The following TMEM171 variants were observed in gnomAD, a reference collection of about 807,000 sequenced individuals.
TMEM171 encodes proline-rich protein PRP2.
A neutral mutation model predicts 19.1 loss-of-function variants in TMEM171; 16 were observed. The observed-to-expected ratio is 0.84, with a 90% CI of 0.57 to 1.27. The LOEUF is 1.27. TMEM171 is among the 50% of genes most tolerant of loss of function. The probability of loss-of-function intolerance (pLI) is 0.00; values close to 1 mark genes in which losing one functional copy is unlikely to be tolerated. For missense variants in TMEM171, 429 were observed against 412.7 expected (o/e 1.04, Z -0.34); for synonymous variants, 153 against 163.4 (o/e 0.94, Z 0.48).
rs1554078607 is a variant in TMEM171, at chr5:73,127,384, A to ATATAT, written c.641-1006_641-1005insTATAT. 3.5e-3 allele frequency among the ~76,000 whole-genome samples: 285 copies of ATATAT among 81,658 alleles called. 3 individuals carry two copies. The highest frequency in any genetic ancestry group is 0.017 in the East Asian group (49 of 2,902). 53.6% of individuals were successfully genotyped at this position (81,658 alleles called of 152,430 possible). A position where few individuals can be genotyped will look rare whatever the true frequency, so the allele number is the denominator to read the frequency against. On this transcript the variant is annotated intron_variant, in intron 2 of 3. Coordinates refer to ENST00000454765, the MANE Select transcript of TMEM171 (RefSeq NM_173490.8). ...AAATTTGTGGTAAAAAAAAAAAAAA[A>ATATAT]ATATATATATATATATATATATAAA...
At chr5:73,126,014 C>A (rs978130115) in intron 2 of TMEM171, among the ~76,000 whole-genome samples, 2 of 152,158 alleles carry the variant, frequency 1.3e-5, no homozygotes, top group African/African-American at 4.8e-5. Context: ...TGTCTGCTCA[C>A]AGAGGACATC....
In TMEM171 at chr5:73,122,188, T is replaced by A. The variant is rs1313259447; in HGVS notation, c.-68-1118T>A. Reference sequence around the variant, plus strand: ...TTTTGTGCTTTATAACTAGCAGTTTTATTGGCTGCTTGTTTTTTAACTGAG... The same window carrying A: ...TTTTGTGCTTTATAACTAGCAGTTTAATTGGCTGCTTGTTTTTTAACTGAG... On this transcript the variant is annotated intron_variant, in intron 1 of 3. Transcript: ENST00000454765. Among the ~76,000 whole-genome samples the A allele has an allele frequency of 3.3e-5, 5 of 152,314 alleles. No individual in the cohort carries two copies. The East Asian group carries it at 9.7e-4, about 29-fold the overall frequency.
rs761332689 is a variant in TMEM171 at position 73,123,665 on chromosome 5, G to T, written c.292G>T (p.Asp98Tyr). Residue 98 changes from aspartate (D) to tyrosine (Y), a missense_variant, in exon 2 of 4, where the codon GAC (aspartate) becomes TAC (tyrosine). By Grantham distance (160) the Asp-to-Tyr change is radical. Coordinates refer to ENST00000454765, the MANE Select transcript of TMEM171 (RefSeq NM_173490.8). ...GCAGAGAGGTCAGCAGATGGACCCCGACCGAGCCTTCATCTGTGGAGAGAG... is the reference window on the plus strand; with the variant it reads ...GCAGAGAGGTCAGCAGATGGACCCCTACCGAGCCTTCATCTGTGGAGAGAG... ...GLQRGQQMDPDRAFICGESRQ... is the reference protein window; with the variant it reads ...GLQRGQQMDPYRAFICGESRQ... The T allele has an allele frequency of 1.2e-6, 2 of 1,614,202 alleles. No homozygotes were observed. The highest frequency in any genetic ancestry group is 1.7e-6 in the Non-Finnish European group (2 of 1,180,040).
intron 2 of TMEM171, among the ~76,000 whole-genome samples, chr5:73,125,253 T>C (rs761430397): frequency 3.3e-5 from 5 of 152,220 alleles, no homozygotes; most frequent in Non-Finnish European, 2.9e-5. Flanking sequence ...CTAACACTTA[T>C]ATAGGGTCTA....
At chr5:73,123,228 A>G in intron 1 of TMEM171, 78 bp from the exon 2 acceptor site, 2 of 1,314,344 alleles carry the variant, frequency 1.5e-6, no homozygotes, top group South Asian at 1.6e-5. Context: ...GTGTGATTTC[A>G]GAAATGATCA....
chr5:73,125,258 G>A (rs1425495372), intron 2 of TMEM171, among the ~76,000 whole-genome samples: 2 of 152,098 alleles, frequency 1.3e-5, no homozygotes, highest in Non-Finnish European at 2.9e-5. Context: ...ACTTATATAG[G>A]GTCTATTTTT....
At chr5:73,127,573 A>G (rs1267178815) in intron 2 of TMEM171, among the ~76,000 whole-genome samples, 2 of 150,502 alleles carry the variant, frequency 1.3e-5, no homozygotes, top group Admixed American at 1.3e-4. Context: ...AATAGCTGGG[A>G]TTACAGGCGC....
rs1228410567 is a variant in TMEM171, at chr5:73,123,294, T to C, written c.-68-12T>C. 6.6e-7 allele frequency: 1 copy of C among 1,523,790 alleles called. No homozygotes were observed. The highest frequency in any genetic ancestry group is 8.8e-7 in the Non-Finnish European group (1 of 1,136,080). 94.4% of individuals were successfully genotyped at this position (1,523,790 alleles called of 1,614,324 possible). On this transcript the variant is annotated splice_polypyrimidine_tract_variant and intron_variant, in intron 1 of 3. Coordinates refer to ENST00000454765, the MANE Select transcript of TMEM171 (RefSeq NM_173490.8). ...GTGCCCACGTTAATTTGGTGTTTGG[T>C]TGTGTTTGCAGAGCTGCTGAAATCT...
rs1229225066 is a variant in TMEM171, at chr5:73,128,441, C to T, written c.692C>T (p.Ser231Phe). The T allele has an allele frequency of 6.2e-7, 1 of 1,614,156 alleles. No individual in the cohort carries two copies. The highest frequency in any genetic ancestry group is 1.1e-5 in the South Asian group (1 of 91,076). Reference protein sequence around the residue: ...PPPPPPYFPESSASAVAESPG... With the variant: ...PPPPPPYFPEFSASAVAESPG... Reference sequence around the variant, plus strand: ...CCTCCACCACCTTACTTTCCTGAATCTTCAGCTTCTGCGGTCGCTGAGAGT... The same window carrying T: ...CCTCCACCACCTTACTTTCCTGAATTTTCAGCTTCTGCGGTCGCTGAGAGT... Residue 231 changes from serine (S) to phenylalanine (F), a missense_variant, in exon 3 of 4, where the codon TCT becomes TTT. Coordinates refer to ENST00000454765, the MANE Select transcript of TMEM171 (RefSeq NM_173490.8).
At chr5:73,121,736 C>G (rs1383061042) in intron 1 of TMEM171, among the ~76,000 whole-genome samples, 1 of 152,082 alleles carries the variant, frequency 6.6e-6, no homozygotes, top group African/African-American at 2.4e-5. Flanking sequence ...TGTAAGATTG[C>G]CTGTTTGCTT....
intron 3 of TMEM171, among the ~76,000 whole-genome samples, chr5:73,130,816 G>T (rs1330253885): frequency 1.3e-5 from 2 of 152,022 alleles, no homozygotes; most frequent in Non-Finnish European, 2.9e-5. Flanking sequence ...GTGAATGTTT[G>T]TATTTTTTTT....
intron 3 of TMEM171, 27 bp downstream of exon 3, chr5:73,128,558 A>G (rs1400075256): frequency 6.2e-7 from 1 of 1,612,848 alleles, no homozygotes; most frequent in African/African-American, 1.3e-5. Flanking sequence ...GAACTTCAAG[A>G]GAGGCCTGAA....
In TMEM171 at chr5:73,123,558, C is replaced by G. The variant is rs765225019; in HGVS notation, c.185C>G (p.Ala62Gly). The G allele has an allele frequency of 1.2e-6, 2 of 1,614,222 alleles. No individual in the cohort carries two copies. The change falls in exon 2 of 4, where the codon GCG becomes GGG. Residue 62 changes from alanine to glycine, a missense_variant. Coordinates refer to ENST00000454765, the MANE Select transcript of TMEM171 (RefSeq NM_173490.8). ...LPDCPMVLKV[A>G]GPACAVVGLG... ...GACTGCCCCATGGTGCTCAAGGTGGCGGGGCCTGCATGTGCCGTGGTTGGG... is the reference window on the plus strand; with the variant it reads ...GACTGCCCCATGGTGCTCAAGGTGGGGGGGCCTGCATGTGCCGTGGTTGGG...
At chr5:73,122,266 G>A (rs112075569) in intron 1 of TMEM171, among the ~76,000 whole-genome samples, 2,503 of 152,184 alleles carry the variant, frequency 0.016, 79 homozygotes, top group African/African-American at 0.058. Context: ...TGAGTGAGAG[G>A]CCACACCAGC....
intron 1 of TMEM171, among the ~76,000 whole-genome samples, chr5:73,121,655 C>T (rs1744010155): frequency 6.6e-6 from 1 of 152,122 alleles, no homozygotes; most frequent in African/African-American, 2.4e-5. Context: ...TTTTTTCCCT[C>T]CTATATTTCC....
rs201220721 is a variant in TMEM171 at position 73,123,611 on chromosome 5, C to T, written c.238C>T (p.Arg80Trp). 38 of 1,614,212 alleles carry T rather than the reference C, an allele frequency of 2.4e-5. No homozygotes were observed. The highest frequency in any genetic ancestry group is 2.8e-5 in the Non-Finnish European group (33 of 1,180,036). Reference sequence around the variant, plus strand: ...TGGGGCTGTGATCCTGGCCCGCTCCCGGGCGCAACTTCAGCTCCGTGCAGG... The same window carrying T: ...TGGGGCTGTGATCCTGGCCCGCTCCTGGGCGCAACTTCAGCTCCGTGCAGG... ...GLGAVILARS[R>W]AQLQLRAGLQ... is the part of the protein sequence containing the mutation. The change falls in exon 2 of 4, where the codon CGG becomes TGG. Residue 80 changes from arginine (R) to tryptophan (W), a missense_variant. By Grantham distance (101) the Arg-to-Trp change is moderately radical (BLOSUM62 -3). Coordinates refer to ENST00000454765, the MANE Select transcript of TMEM171 (RefSeq NM_173490.8).
At chr5:73,128,203 G>A (rs769405495) in intron 2 of TMEM171, among the ~76,000 whole-genome samples, 187 bp from the exon 3 acceptor site, 3 of 152,006 alleles carry the variant, frequency 2.0e-5, no homozygotes, top group Non-Finnish European at 4.4e-5. Flanking sequence ...ACCCCTCCTA[G>A]CCCCTGGTAA....
In TMEM171 at chr5:73,131,650, GA is replaced by G. The variant is rs776401341; in HGVS notation, c.897del (p.Glu299AspfsTer47). 6.2e-7 allele frequency: 1 copy of G among 1,613,556 alleles called. No individual in the cohort carries two copies. The highest frequency in any genetic ancestry group is 1.3e-5 in the African/African-American group (1 of 74,788). On this transcript the variant is annotated frameshift_variant, in exon 4 of 4. Coordinates refer to ENST00000454765, the MANE Select transcript of TMEM171 (RefSeq NM_173490.8). LOFTEE classifies it low-confidence loss of function (END_TRUNC). ...EASHTPHLPS[E>X]LPPRYEEKEN... Reference sequence around the variant, plus strand: ...CTCACACACTCCACATCTTCCATCTGAATTGCCTCCTAGATATGAAGAAAAA... The same window carrying G: ...CTCACACACTCCACATCTTCCATCTGATTGCCTCCTAGATATGAAGAAAAA...
chr5:73,127,247 T>C (rs993744114), intron 2 of TMEM171, among the ~76,000 whole-genome samples: 1 of 151,532 alleles, frequency 6.6e-6, no homozygotes, highest in Non-Finnish European at 1.5e-5. Flanking sequence ...AGGAGCTTGT[T>C]AGCAAACAAT....
Sources: gnomAD v4.1 joint callset for allele counts (sites outside exome capture counted in the v4.1 genomes callset) on GRCh38, gnomAD v4.1.1 for gene constraint, MANE v1.5 for transcripts, NCBI Gene and HGNC (gene_info 2026-07-23, HGNC 2026-07-21) for gene names.